Variants in CACNA2D3 observed in about 807,000 individuals in gnomAD.
CACNA2D3 encodes the protein voltage-dependent calcium channel subunit alpha-2/delta-3.
Under a neutral mutation model 160.6 loss-of-function variants are expected in CACNA2D3, and 60 were observed. The observed-to-expected ratio is 0.37, with a 90% confidence interval of 0.30 to 0.46. CACNA2D3 has a LOEUF of 0.46. Among genes scored for constraint, CACNA2D3 ranks in the 20% least tolerant of loss-of-function variants. The pLI is 1.00. For synonymous variants in CACNA2D3, 558 were observed against 492.9 expected (o/e 1.13, Z -1.75); for missense variants, 1,205 against 1,365.0 (o/e 0.88, Z 1.85).
intron 6 of CACNA2D3, among the ~76,000 whole-genome samples, chr3:54,564,783 T>G (rs1258119593): frequency 1.3e-5 from 2 of 152,146 alleles, no homozygotes; most frequent in Non-Finnish European, 2.9e-5. Flanking sequence ...TGTGGGGACA[T>G]GCATTTGTCG....
chr3:54,304,220 A>G (rs922553481), intron 2 of CACNA2D3, among the ~76,000 whole-genome samples: 1 of 152,128 alleles, frequency 6.6e-6, no homozygotes, highest in Non-Finnish European at 1.5e-5. Context: ...GCAGGACAGA[A>G]TGGTCCCTGG....
chr3:54,280,784 C>T (rs1470817005), intron 2 of CACNA2D3, among the ~76,000 whole-genome samples: 2 of 152,190 alleles, frequency 1.3e-5, no homozygotes, highest in South Asian at 2.1e-4. Flanking sequence ...CTCGCCATCA[C>T]CTTTCTTAGC....
intron 5 of CACNA2D3, among the ~76,000 whole-genome samples, chr3:54,526,980 C>T (rs542530059): frequency 2.6e-5 from 4 of 152,208 alleles, no homozygotes; most frequent in Admixed American, 2.6e-4. Context: ...TGTGAGCCAC[C>T]ACGTGGGGCC....
chr3:54,171,905 G>T (rs59820568), intron 2 of CACNA2D3, among the ~76,000 whole-genome samples: 5,919 of 152,212 alleles, frequency 0.039, 372 homozygotes, highest in African/African-American at 0.13. Context: ...CAACATTCAT[G>T]CCTGTCTCTG....
chr3:54,845,939 G>A (rs897801296), intron 16 of CACNA2D3, among the ~76,000 whole-genome samples: 1 of 152,202 alleles, frequency 6.6e-6, no homozygotes, highest in Non-Finnish European at 1.5e-5. Flanking sequence ...GCCAATTTGA[G>A]ATGGCCCCTG....
At chr3:54,295,006 A>T (rs1025126536) in intron 2 of CACNA2D3, among the ~76,000 whole-genome samples, 1 of 151,624 alleles carries the variant, frequency 6.6e-6, no homozygotes, top group African/African-American at 2.4e-5. Context: ...TCATCCACCT[A>T]TTCACTCAGC....
intron 2 of CACNA2D3, among the ~76,000 whole-genome samples, chr3:54,305,537 A>G (rs1046860300): frequency 3.9e-5 from 6 of 152,254 alleles, no homozygotes; most frequent in Non-Finnish European, 5.9e-5. Flanking sequence ...CTTAAATCAC[A>G]TGATGAATGT....
intron 2 of CACNA2D3, among the ~76,000 whole-genome samples, chr3:54,249,228 C>T (rs561289476): frequency 4.6e-5 from 7 of 152,170 alleles, no homozygotes; most frequent in East Asian, 3.9e-4. Context: ...GAGATGCGTG[C>T]GGGTGCCAAG....
intron 4 of CACNA2D3, among the ~76,000 whole-genome samples, chr3:54,497,583 C>G (rs961897998): frequency 6.6e-6 from 1 of 151,854 alleles, no homozygotes; most frequent in Non-Finnish European, 1.5e-5. Flanking sequence ...TTTTCAATAC[C>G]TATGGCTTTT....
At chr3:54,375,281 AC>A (rs577149400) in intron 3 of CACNA2D3, among the ~76,000 whole-genome samples, 23 of 152,340 alleles carry the variant, frequency 1.5e-4, no homozygotes, top group Admixed American at 1.5e-3. Flanking sequence ...GTCCTTGAAG[AC>A]AACAGCTGTG....
chr3:54,236,728 T>A (rs1701885375), intron 2 of CACNA2D3, among the ~76,000 whole-genome samples: 1 of 152,184 alleles, frequency 6.6e-6, no homozygotes, highest in African/African-American at 2.4e-5. Flanking sequence ...GGGGCCAAAC[T>A]AAACAGGCCA....
intron 5 of CACNA2D3, among the ~76,000 whole-genome samples, chr3:54,543,257 G>A (rs1261569456): frequency 6.6e-6 from 1 of 152,194 alleles, no homozygotes; most frequent in Admixed American, 6.5e-5. Context: ...TCGGAGGGTG[G>A]CGTTAGGTTG....
intron 2 of CACNA2D3, among the ~76,000 whole-genome samples, chr3:54,232,454 C>T (rs1701790576): frequency 6.6e-6 from 1 of 152,126 alleles, no homozygotes; most frequent in South Asian, 2.1e-4. Flanking sequence ...GGCTAAGAAC[C>T]TCATGTGCAT....
At chr3:54,328,878 TTGG>T (rs1704179384) in intron 3 of CACNA2D3, among the ~76,000 whole-genome samples, 1 of 152,150 alleles carries the variant, frequency 6.6e-6, no homozygotes, top group Non-Finnish European at 1.5e-5. Flanking sequence ...CTTCCTGACT[TTGG>T]GGTGCCAGCT....
In CACNA2D3 at chr3:54,274,745, A is replaced by C. The variant is rs371348848; in HGVS notation, c.205-45697A>C. Among the ~76,000 whole-genome samples, 22 of 152,254 alleles carry C rather than the reference A, an allele frequency of 1.4e-4. No individual in the cohort carries two copies. In the South Asian group the frequency reaches 1.7e-3, roughly 11 times the overall value. Reference sequence around the variant, plus strand: ...CACCTGAAGGCTCGGCTAGGGGGGAACTGCATCCAGGCTCACGCATGGTCT... The same window carrying C: ...CACCTGAAGGCTCGGCTAGGGGGGACCTGCATCCAGGCTCACGCATGGTCT... On this transcript the variant is annotated intron_variant, in intron 2 of 37. Transcript: ENST00000474759.
intron 17 of CACNA2D3, among the ~76,000 whole-genome samples, chr3:54,864,892 T>G (rs1880824): frequency 6.6e-6 from 1 of 152,132 alleles, no homozygotes; most frequent in Non-Finnish European, 1.5e-5. Flanking sequence ...CCACGTGACC[T>G]GCCTTTCCTG....
chr3:54,148,306 A>G (rs1368252128), intron 2 of CACNA2D3, among the ~76,000 whole-genome samples: 1 of 152,224 alleles, frequency 6.6e-6, no homozygotes. Flanking sequence ...CAGACTTCAG[A>G]ATGGTCAGAA....
chr3:54,218,169 A>G (rs116606980), intron 2 of CACNA2D3, among the ~76,000 whole-genome samples: 1,578 of 152,196 alleles, frequency 0.01, 39 homozygotes, highest in African/African-American at 0.037. Flanking sequence ...TCCCCTTCAC[A>G]TCTCTTCTCT....
At chr3:54,997,956 GT>G (rs1702895553) in intron 31 of CACNA2D3, among the ~76,000 whole-genome samples, 2 of 152,086 alleles carry the variant, frequency 1.3e-5, no homozygotes, top group South Asian at 4.1e-4. Flanking sequence ...CAGTTTAAGT[GT>G]GCAGCTTTAA....
Sources: allele counts gnomAD v4.1 joint callset (sites outside exome capture counted in the v4.1 genomes callset), GRCh38; gene constraint gnomAD v4.1.1; transcripts MANE v1.5; gene names NCBI Gene and HGNC (gene_info 2026-07-23, HGNC 2026-07-21).